Variants in XPO1 observed in about 807,000 individuals in gnomAD.
XPO1 encodes the protein exportin-1.
Under a neutral mutation model 133.3 loss-of-function variants are expected in XPO1, and 5 were observed. That is an observed-to-expected ratio of 0.04 (90% CI 0.02 to 0.08). XPO1 has a LOEUF of 0.08. Among genes scored for constraint, XPO1 ranks in the 10% least tolerant of loss-of-function variants. XPO1 has a pLI of 1.00. For missense variants in XPO1, 506 were observed against 1,267.5 expected, an observed-to-expected ratio of 0.40 and a Z score of 9.12; for synonymous variants, 419 against 408.2, an observed-to-expected ratio of 1.03 and a Z score of -0.32.
At chr2:61,535,288 TCTAAC>T (rs1180923014) in intron 1 of XPO1, among the ~76,000 whole-genome samples, 4 of 152,308 alleles carry the variant, frequency 2.6e-5, no homozygotes, top group African/African-American at 9.6e-5. Flanking sequence ...AACCAATAGC[TCTAAC>T]CCAGTTTTTA....
At chr2:61,487,581 A>G (rs1328615121) in intron 19 of XPO1, among the ~76,000 whole-genome samples, 1 of 152,166 alleles carries the variant, frequency 6.6e-6, no homozygotes. Context: ...AAGTAATAGT[A>G]GTATTAGAAT....
At chr2:61,532,861 T>C (rs1387019368) in intron 2 of XPO1, among the ~76,000 whole-genome samples, 2 of 147,758 alleles carry the variant, frequency 1.4e-5, no homozygotes, top group African/African-American at 5.0e-5. Context: ...CTGACCCAAC[T>C]GCAAAACTTT....
chr2:61,526,035 T>C, intron 3 of XPO1: 2 of 1,071,138 alleles, frequency 1.9e-6, no homozygotes, highest in South Asian at 8.6e-5. Context: ...GGTTTTAAGC[T>C]GTCCACACAA....
chr2:61,503,459 C>G (rs1187956918), intron 4 of XPO1, among the ~76,000 whole-genome samples: 3 of 151,714 alleles, frequency 2.0e-5, no homozygotes, highest in Non-Finnish European at 4.4e-5. Context: ...GAATCTCGCT[C>G]TGTCGCCCAG....
chr2:61,512,033 T>C lies in XPO1; in HGVS notation c.302-9723A>G, dbSNP rs368978078. Reference sequence around the variant, plus strand: ...AATTGCCTGCCTAGGCCTCCCAAAGTGCTGGGATTACAGGCGTGAGACATC... The same window carrying C: ...AATTGCCTGCCTAGGCCTCCCAAAGCGCTGGGATTACAGGCGTGAGACATC... On this transcript the variant is annotated intron_variant, in intron 4 of 24. Transcript: ENST00000401558. Among the ~76,000 whole-genome samples the C allele has an allele frequency of 1.6e-4, 25 of 152,280 alleles. No homozygotes were observed. In the East Asian group the frequency reaches 3.5e-3, roughly 21 times the overall value.
At chr2:61,527,655 C>T (rs979160176) in intron 2 of XPO1, among the ~76,000 whole-genome samples, 3 of 152,122 alleles carry the variant, frequency 2.0e-5, no homozygotes, top group African/African-American at 7.2e-5. Flanking sequence ...ACTTACATAC[C>T]ATTTGAGCTC....
chr2:61,496,807 A>G, intron 10 of XPO1, 72 bp downstream of exon 10: 1 of 1,345,186 alleles, frequency 7.4e-7, no homozygotes, highest in South Asian at 1.9e-5. Context: ...TTCTAAAATA[A>G]CTCATTTGGA....
At chr2:61,499,079 G>C (rs929337783) in intron 7 of XPO1, among the ~76,000 whole-genome samples, 166 bp from the exon 8 acceptor site, 1 of 152,182 alleles carries the variant, frequency 6.6e-6, no homozygotes, top group Non-Finnish European at 1.5e-5. Flanking sequence ...ACCAGCCTGG[G>C]CAACCCAAGG....
intron 1 of XPO1, among the ~76,000 whole-genome samples, chr2:61,536,035 C>T (rs72817414): frequency 0.012 from 1,868 of 152,062 alleles, 42 homozygotes; most frequent in Non-Finnish European, 0.012. Context: ...AATGCTAAAA[C>T]AAAAAAGGAT....
intron 1 of XPO1, chr2:61,536,390 T>C (rs1270933308): frequency 2.0e-5 from 3 of 152,250 alleles, no homozygotes; most frequent in South Asian, 4.1e-4. Flanking sequence ...CTCATTCCCA[T>C]TGGGCTCTTC....
intron 12 of XPO1, 36 bp downstream of exon 12, chr2:61,493,858 G>A (rs781143322): frequency 6.8e-6 from 11 of 1,606,688 alleles, no homozygotes; most frequent in Non-Finnish European, 8.5e-6. Context: ...ACCACAGTAT[G>A]CAACAGGAAG....
At chr2:61,499,968 G>A in intron 6 of XPO1, 74 bp from the exon 7 acceptor site, 1 of 1,414,294 alleles carries the variant, frequency 7.1e-7, no homozygotes, top group Middle Eastern at 2.3e-4. Context: ...AAGAAATTAT[G>A]TAATGGATAA....
intron 2 of XPO1, among the ~76,000 whole-genome samples, chr2:61,526,880 G>A (rs1359520958): frequency 1.3e-5 from 2 of 151,940 alleles, no homozygotes; most frequent in African/African-American, 4.8e-5. Context: ...GCTAATTTTT[G>A]TATTTTTAGT....
At position 61,478,838 on chromosome 2, in the gene XPO1, T is replaced by C. The variant is rs757616324; in HGVS notation, c.3198A>G (p.Pro1066=). 1 of 1,613,466 alleles carries C rather than the reference T, an allele frequency of 6.2e-7. No individual in the cohort carries two copies. The highest frequency in any genetic ancestry group is 8.5e-7 in the Non-Finnish European group (1 of 1,179,864). ...TTGGATTTTAATCACACATTTCTTC[T>C]GGAATCTCATGTGGATTAAAGATGC... ...VPGIFNPHEI[P]EEMCD The change falls in exon 25 of 25, where the codon CCA becomes CCG. Residue 1066 remains proline (P), a synonymous_variant. Transcript: ENST00000401558.
chr2:61,478,211 CTG>C lies in XPO1; in HGVS notation c.*607_*608del, dbSNP rs1413631287. 4 of 233,318 alleles carry C rather than the reference CTG, an allele frequency of 1.7e-5. No individual in the cohort carries two copies. Among genetic ancestry groups the C allele is most frequent in the South Asian group, 1.8e-4 (1 of 5,520 alleles). The allele number at this position is 233,318 out of a possible 1,614,324, so 14.5% of individuals were successfully genotyped here. A position where few individuals can be genotyped will look rare whatever the true frequency, so the allele number is the denominator to read the frequency against. On this transcript the variant is annotated 3_prime_UTR_variant, in exon 25 of 25. Transcript: ENST00000401558. ...CACACACACACAAAAACAAAAAGAA[CTG>C]TGTAAAAATAACTAACTGTGTTCCC... is the stretch of plus-strand genomic sequence containing the variant.
intron 17 of XPO1, among the ~76,000 whole-genome samples, chr2:61,489,376 G>A (rs1037689567): frequency 3.4e-5 from 5 of 147,920 alleles, no homozygotes; most frequent in African/African-American, 1.2e-4. Flanking sequence ...TCACGCCATT[G>A]CACTCCAGCC....
chr2:61,526,377 G>C, intron 3 of XPO1, 43 bp downstream of exon 3: 1 of 1,582,884 alleles, frequency 6.3e-7, no homozygotes, highest in African/African-American at 1.4e-5. Flanking sequence ...GTTTATGACT[G>C]GAAGAAAAGA....
intron 19 of XPO1, 128 bp downstream of exon 19, chr2:61,488,037 A>C (rs1478608402): frequency 2.6e-6 from 2 of 769,106 alleles, no homozygotes; most frequent in Non-Finnish European, 4.3e-6. Context: ...TACAATAAAT[A>C]AAATGCCATA....
At chr2:61,526,246 T>C (rs1179103878) in intron 3 of XPO1, 174 bp downstream of exon 3, 14 of 1,414,666 alleles carry the variant, frequency 9.9e-6, no homozygotes, top group Non-Finnish European at 1.2e-5. Context: ...TCATTCATAA[T>C]TCTTAGGACT....
Sources: allele counts gnomAD v4.1 joint callset (sites outside exome capture counted in the v4.1 genomes callset), GRCh38; gene constraint gnomAD v4.1.1; transcripts MANE v1.5; gene names NCBI Gene and HGNC (gene_info 2026-07-23, HGNC 2026-07-21).